Variants in PPP2R5E observed in about 807,000 individuals in gnomAD.
PPP2R5E encodes protein phosphatase 2 regulatory subunit B'epsilon.
A neutral mutation model predicts 65.3 loss-of-function variants in PPP2R5E; 4 were observed. That is an observed-to-expected ratio of 0.06 (90% CI 0.03 to 0.14). PPP2R5E has a LOEUF of 0.14. Ranked by LOEUF, PPP2R5E falls within the 10% of genes least tolerant of loss-of-function variation. The pLI is 1.00. For missense variants in PPP2R5E, 274 were observed against 556.1 expected, an observed-to-expected ratio of 0.49 and a Z score of 5.10; for synonymous variants, 183 against 187.4, an observed-to-expected ratio of 0.98 and a Z score of 0.19.
rs59196093 is a variant in PPP2R5E at position 63,497,743 on chromosome 14, A to C, written c.157+41786T>G. Reference sequence around the variant, plus strand: ...AGCCTGGGCGACAGAGGGAGACTCCATCTCAAAAAAACAAACAAACAAACA... The same window carrying C: ...AGCCTGGGCGACAGAGGGAGACTCCCTCTCAAAAAAACAAACAAACAAACA... On this transcript the variant is annotated intron_variant, in intron 2 of 13. Coordinates refer to ENST00000337537, the MANE Select transcript of PPP2R5E (RefSeq NM_006246.5). 4.6e-3 allele frequency among the ~76,000 whole-genome samples: 691 copies of C among 150,674 alleles called. 1 individual carries two copies. The highest frequency in any genetic ancestry group is 0.016 in the African/African-American group (657 of 40,546).
At chr14:63,422,498 G>T (rs536295122) in intron 3 of PPP2R5E, among the ~76,000 whole-genome samples, 5 of 152,060 alleles carry the variant, frequency 3.3e-5, no homozygotes, top group Non-Finnish European at 5.9e-5. Context: ...AGGCCAAGGT[G>T]GGGGGATCAC....
chr14:63,429,767 T>C (rs1006710964), intron 3 of PPP2R5E, among the ~76,000 whole-genome samples: 5 of 152,062 alleles, frequency 3.3e-5, no homozygotes, highest in Non-Finnish European at 5.9e-5. Flanking sequence ...CACTGCAACC[T>C]CCACCTCCCC....
intron 11 of PPP2R5E, among the ~76,000 whole-genome samples, chr14:63,388,146 T>G (rs1884789799): frequency 6.6e-6 from 1 of 152,008 alleles, no homozygotes; most frequent in Admixed American, 6.6e-5. Flanking sequence ...TTTTCTTTCT[T>G]TTTTTGTTTT....
intron 2 of PPP2R5E, among the ~76,000 whole-genome samples, chr14:63,507,575 C>A (rs77587408): frequency 1.9e-5 from 2 of 105,514 alleles, no homozygotes; most frequent in South Asian, 5.8e-4. Flanking sequence ...GGGTAATTCT[C>A]TTTTTTTTTT....
intron 2 of PPP2R5E, among the ~76,000 whole-genome samples, chr14:63,523,358 G>A (rs1032568249): frequency 3.3e-5 from 5 of 152,124 alleles, no homozygotes; most frequent in African/African-American, 1.2e-4. Flanking sequence ...ATTTTGTTCT[G>A]TACTAAGAAA....
intron 2 of PPP2R5E, among the ~76,000 whole-genome samples, chr14:63,514,470 T>C (rs932157488): frequency 1.6e-4 from 25 of 152,130 alleles, no homozygotes; most frequent in African/African-American, 6.0e-4. Context: ...CTATGTTTAT[T>C]ATACTACATT....
intron 2 of PPP2R5E, among the ~76,000 whole-genome samples, chr14:63,485,005 TAAGAA>T (rs1033622724): frequency 1.1e-4 from 16 of 152,256 alleles, no homozygotes; most frequent in Non-Finnish European, 1.8e-4. Context: ...TTCAGCACTT[TAAGAA>T]AAGAAAAATA....
At chr14:63,464,749 C>T (rs534446315) in intron 2 of PPP2R5E, among the ~76,000 whole-genome samples, 22 of 152,308 alleles carry the variant, frequency 1.4e-4, no homozygotes, top group Admixed American at 4.6e-4. Context: ...TGGCCAGGCA[C>T]GGTGGCTCAT....
chr14:63,415,686 T>C lies in PPP2R5E; in HGVS notation c.457-454A>G, dbSNP rs562249860. 2.0e-5 allele frequency among the ~76,000 whole-genome samples: 3 copies of C among 152,306 alleles called. No individual in the cohort carries two copies. The East Asian group carries it at 5.8e-4, about 29-fold the overall frequency. On this transcript the variant is annotated intron_variant, in intron 4 of 13. Coordinates refer to ENST00000337537, the MANE Select transcript of PPP2R5E (RefSeq NM_006246.5). ...AACAATGTATTATGAACAATTTACA[T>C]CAATAATATCTCAACTATCATTCTT... is the stretch of plus-strand genomic sequence containing the variant.
chr14:63,454,579 T>C (rs558032567), intron 2 of PPP2R5E, among the ~76,000 whole-genome samples: 1 of 152,248 alleles, frequency 6.6e-6, no homozygotes, highest in Non-Finnish European at 1.5e-5. Flanking sequence ...GTTCCCAGAA[T>C]GGACATCTGC....
At chr14:63,491,737 C>T (rs1347480637) in intron 2 of PPP2R5E, among the ~76,000 whole-genome samples, 1 of 152,076 alleles carries the variant, frequency 6.6e-6, no homozygotes, top group East Asian at 1.9e-4. Context: ...GTCCCAGCTA[C>T]TCAGGAGGCT....
chr14:63,425,504 A>G (rs1339648378), intron 3 of PPP2R5E, among the ~76,000 whole-genome samples: 1 of 152,204 alleles, frequency 6.6e-6, no homozygotes. Flanking sequence ...TAAACCATGA[A>G]AGGGGGGAAA....
At chr14:63,446,267 C>G (rs772142444) in intron 3 of PPP2R5E, among the ~76,000 whole-genome samples, 2 of 152,134 alleles carry the variant, frequency 1.3e-5, no homozygotes, top group Non-Finnish European at 2.9e-5. Context: ...TCAAGGTCAT[C>G]CATGAGGGTT....
chr14:63,538,353 C>A (rs1384703819), intron 2 of PPP2R5E, among the ~76,000 whole-genome samples: 1 of 151,672 alleles, frequency 6.6e-6, no homozygotes, highest in Non-Finnish European at 1.5e-5. Context: ...CTCTGCCTCC[C>A]GGTTCAAGCA....
intron 2 of PPP2R5E, among the ~76,000 whole-genome samples, chr14:63,474,053 GAA>G (rs1890270373): frequency 6.6e-6 from 1 of 152,170 alleles, no homozygotes; most frequent in African/African-American, 2.4e-5. Flanking sequence ...TGAATGAATG[GAA>G]AAGAGGCAAG....
intron 2 of PPP2R5E, among the ~76,000 whole-genome samples, chr14:63,529,315 A>G (rs1183193992): frequency 6.6e-6 from 1 of 151,680 alleles, no homozygotes; most frequent in Non-Finnish European, 1.5e-5. Context: ...TCAGCCTCCC[A>G]AAGTGCTGGG....
chr14:63,474,795 A>C (rs1432882010), intron 2 of PPP2R5E, among the ~76,000 whole-genome samples: 1 of 152,132 alleles, frequency 6.6e-6, no homozygotes, highest in Non-Finnish European at 1.5e-5. Flanking sequence ...GTAATATATA[A>C]GTGGTCTTAA....
chr14:63,393,637 G>A (rs541282964), intron 8 of PPP2R5E, among the ~76,000 whole-genome samples, 183 bp downstream of exon 8: 2 of 152,158 alleles, frequency 1.3e-5, no homozygotes, highest in South Asian at 2.1e-4. Flanking sequence ...GCTTGAACCC[G>A]GGAGGTGGAG....
At chr14:63,437,855 G>A (rs1236706185) in intron 3 of PPP2R5E, among the ~76,000 whole-genome samples, 2 of 152,154 alleles carry the variant, frequency 1.3e-5, no homozygotes, top group Non-Finnish European at 2.9e-5. Context: ...TAACCAGCCT[G>A]ATTTTTACTG....
Sources: gnomAD v4.1 joint callset for allele counts (sites outside exome capture counted in the v4.1 genomes callset) on GRCh38, gnomAD v4.1.1 for gene constraint, MANE v1.5 for transcripts, NCBI Gene and HGNC (gene_info 2026-07-23, HGNC 2026-07-21) for gene names.